Variants in ZFAND3 observed in about 807,000 individuals in gnomAD.
ZFAND3 encodes AN1-type zinc finger protein 3.
In ZFAND3, 10 loss-of-function variants were observed where a neutral mutation model predicts 29.6. That is an observed-to-expected ratio of 0.34 (90% CI 0.21 to 0.57). The LOEUF (loss-of-function observed/expected upper bound fraction) is 0.57. Among genes scored for constraint, ZFAND3 ranks in the 20% least tolerant of loss-of-function variants. The pLI is 0.86. For synonymous variants in ZFAND3, 128 were observed against 112.6 expected (o/e 1.14, Z -0.87); for missense variants, 230 against 304.5 (o/e 0.76, Z 1.82).
intron 4 of ZFAND3, among the ~76,000 whole-genome samples, chr6:38,088,971 A>G (rs1764810351): frequency 6.6e-6 from 1 of 151,732 alleles, no homozygotes; most frequent in Non-Finnish European, 1.5e-5. Context: ...TTTACTTTAT[A>G]TCCCTCTCTC....
intron 2 of ZFAND3, among the ~76,000 whole-genome samples, chr6:38,050,111 C>A (rs185483283): frequency 6.6e-6 from 1 of 151,528 alleles, no homozygotes; most frequent in Non-Finnish European, 1.5e-5. Context: ...CACGTCACCA[C>A]GCCTGGCTGA....
At chr6:38,006,781 T>C (rs1763057939) in intron 2 of ZFAND3, among the ~76,000 whole-genome samples, 1 of 151,604 alleles carries the variant, frequency 6.6e-6, no homozygotes, top group South Asian at 2.1e-4. Flanking sequence ...TTGCCTCATA[T>C]CGTGCGTCTA....
At chr6:38,010,448 A>C (rs1763128771) in intron 2 of ZFAND3, among the ~76,000 whole-genome samples, 1 of 152,172 alleles carries the variant, frequency 6.6e-6, no homozygotes, top group African/African-American at 2.4e-5. Flanking sequence ...TTGAAAGTTT[A>C]TATCTAACAC....
chr6:38,136,653 C>T (rs889785471), intron 5 of ZFAND3, among the ~76,000 whole-genome samples: 3 of 152,180 alleles, frequency 2.0e-5, no homozygotes, highest in African/African-American at 7.2e-5. Flanking sequence ...AAGATGGGTC[C>T]TGTGGGTCCA....
At chr6:38,024,526 A>G (rs1234189782) in intron 2 of ZFAND3, among the ~76,000 whole-genome samples, 1 of 152,164 alleles carries the variant, frequency 6.6e-6, no homozygotes, top group Non-Finnish European at 1.5e-5. Flanking sequence ...ACTATTCACA[A>G]TAGCCAGTAG....
intron 4 of ZFAND3, among the ~76,000 whole-genome samples, chr6:38,108,186 G>A (rs923215070): frequency 1.3e-5 from 2 of 152,076 alleles, no homozygotes; most frequent in African/African-American, 2.4e-5. Context: ...AGATATCTGT[G>A]TATTCCAGGA....
intron 3 of ZFAND3, among the ~76,000 whole-genome samples, chr6:38,078,254 C>T (rs1003898772): frequency 6.6e-6 from 1 of 152,090 alleles, no homozygotes. Context: ...ATCTTTAATA[C>T]AAGAATAGAA....
chr6:38,154,203 C>CAT lies in ZFAND3; in HGVS notation c.*1816_*1817dup, dbSNP rs1561796784. 16 of 985,484 alleles carry CAT rather than the reference C, an allele frequency of 1.6e-5. No individual in the cohort carries two copies. Among genetic ancestry groups the CAT allele is most frequent in the Admixed American group, 6.1e-5 (1 of 16,272 alleles). The allele number at this position is 985,484 out of a possible 1,614,324, so 61.0% of individuals were successfully genotyped here. A position where few individuals can be genotyped will look rare whatever the true frequency, so the allele number is the denominator to read the frequency against. Reference sequence around the variant, plus strand: ...GGCCATCCTCAGTGAGGCAGCCCCCCATAGGCTTCCGCCAAGCTCTGGTCC... The same window carrying CAT: ...GGCCATCCTCAGTGAGGCAGCCCCCCATATAGGCTTCCGCCAAGCTCTGGTCC... On this transcript the variant is annotated 3_prime_UTR_variant, in exon 6 of 6. Transcript: ENST00000287218.
At chr6:38,056,379 G>A (rs1056742263) in intron 2 of ZFAND3, among the ~76,000 whole-genome samples, 5 of 152,164 alleles carry the variant, frequency 3.3e-5, no homozygotes, top group Non-Finnish European at 7.4e-5. Flanking sequence ...CAAAATTACC[G>A]AAATTCTTTC....
intron 2 of ZFAND3, among the ~76,000 whole-genome samples, chr6:38,047,850 T>C (rs571372662): frequency 6.6e-6 from 1 of 152,258 alleles, no homozygotes; most frequent in Admixed American, 6.5e-5. Context: ...AATAAACCAT[T>C]GTTATAAAGC....
intron 2 of ZFAND3, among the ~76,000 whole-genome samples, chr6:38,040,026 A>G (rs1421697920): frequency 6.6e-6 from 1 of 152,048 alleles, no homozygotes; most frequent in Non-Finnish European, 1.5e-5. Flanking sequence ...GACATTGGGG[A>G]GAGAAATGGA....
rs1765427796 is a variant in ZFAND3, at chr6:37,907,370, T to A, written c.72-22589T>A. 3.3e-5 allele frequency among the ~76,000 whole-genome samples: 5 copies of A among 152,210 alleles called. No homozygotes were observed. The South Asian group carries it at 1.0e-3, about 31-fold the overall frequency. Reference sequence around the variant, plus strand: ...TAGCATTTCTATCATTCTGAAAAGTTTTCCTCAGACCTTTTGGAAGTCATT... The same window carrying A: ...TAGCATTTCTATCATTCTGAAAAGTATTCCTCAGACCTTTTGGAAGTCATT... On this transcript the variant is annotated intron_variant, in intron 1 of 5. Transcript: ENST00000287218.
At chr6:38,005,623 C>G (rs77147062) in intron 2 of ZFAND3, among the ~76,000 whole-genome samples, 21 of 152,270 alleles carry the variant, frequency 1.4e-4, no homozygotes, top group African/African-American at 5.1e-4. Flanking sequence ...TAGAATGAAT[C>G]ACTTTTCTTA....
chr6:38,057,758 C>T (rs1764158261), intron 2 of ZFAND3, among the ~76,000 whole-genome samples: 1 of 152,192 alleles, frequency 6.6e-6, no homozygotes, highest in South Asian at 2.1e-4. Context: ...ATTTTCTCAG[C>T]TCTTGCATTC....
chr6:37,998,830 T>G (rs1253628017), intron 2 of ZFAND3, among the ~76,000 whole-genome samples: 1 of 152,152 alleles, frequency 6.6e-6, no homozygotes, highest in Non-Finnish European at 1.5e-5. Flanking sequence ...GAGAAGGATA[T>G]ATCAGTAATG....
At chr6:37,899,045 G>A (rs185284450) in intron 1 of ZFAND3, among the ~76,000 whole-genome samples, 138 of 152,202 alleles carry the variant, frequency 9.1e-4, no homozygotes, top group African/African-American at 3.1e-3. Context: ...ACAGGCGCCC[G>A]CCACCACGCC....
chr6:37,825,827 A>AAGAATAAAGTCCTTAAT (rs1763748875), intron 1 of ZFAND3, among the ~76,000 whole-genome samples: 1 of 152,190 alleles, frequency 6.6e-6, no homozygotes, highest in Non-Finnish European at 1.5e-5. Flanking sequence ...AAGTCCTTAA[A>AAGAATAAAGTCCTTAAT]AAGAAACCAA....
intron 1 of ZFAND3, among the ~76,000 whole-genome samples, chr6:37,863,650 G>A (rs891210831): frequency 1.8e-4 from 27 of 150,196 alleles, no homozygotes; most frequent in Non-Finnish European, 3.7e-4. Flanking sequence ...AATGGTTTCT[G>A]AAACATATTT....
chr6:38,106,681 TTGTGTGTG>T (rs71677053), intron 4 of ZFAND3, among the ~76,000 whole-genome samples: 2 of 150,790 alleles, frequency 1.3e-5, no homozygotes, highest in Admixed American at 6.6e-5. Context: ...CGCTAGTTGT[TTGTGTGTG>T]TGTGTGTGTG....
Sources: allele counts gnomAD v4.1 joint callset (sites outside exome capture counted in the v4.1 genomes callset), GRCh38; gene constraint gnomAD v4.1.1; transcripts MANE v1.5; gene names NCBI Gene and HGNC (gene_info 2026-07-23, HGNC 2026-07-21).